The following LRRC7 variants were observed in gnomAD, a reference collection of about 807,000 sequenced individuals.
LRRC7 encodes leucine-rich repeat-containing protein 7.
A neutral mutation model predicts 175.7 loss-of-function variants in LRRC7; 23 were observed. The ratio of observed to expected loss-of-function variants is 0.13; its 90% CI spans 0.09 to 0.19. The LOEUF (loss-of-function observed/expected upper bound fraction) is 0.19, where lower values mean the gene tolerates loss of function less well. Among genes scored for constraint, LRRC7 ranks in the 10% least tolerant of loss-of-function variants. The pLI is 1.00. For missense variants in LRRC7, 1,354 were observed against 1,904.7 expected (o/e 0.71, Z 5.38); for synonymous variants, 685 against 680.9 (o/e 1.01, Z -0.09).
intron 1 of LRRC7, among the ~76,000 whole-genome samples, chr1:69,666,857 T>C (rs1345140504): frequency 2.6e-5 from 4 of 152,092 alleles, no homozygotes; most frequent in Non-Finnish European, 5.9e-5. Flanking sequence ...AATTTTGAGT[T>C]TGGTTTGCTC....
At chr1:69,872,963 G>T (rs1685697452) in intron 7 of LRRC7, among the ~76,000 whole-genome samples, 1 of 152,100 alleles carries the variant, frequency 6.6e-6, no homozygotes, top group Admixed American at 6.6e-5. Flanking sequence ...AAATTTCATA[G>T]AAGGGAAATT....
At chr1:69,993,119 T>C (rs1026420010) in intron 10 of LRRC7, among the ~76,000 whole-genome samples, 8 of 152,202 alleles carry the variant, frequency 5.3e-5, no homozygotes, top group Non-Finnish European at 1.2e-4. Context: ...CCAAGGCTGA[T>C]ACTGTAACAT....
At chr1:69,781,850 A>AAGGAAGGAAGGAAGGAAGG (rs1557720655) in intron 3 of LRRC7, among the ~76,000 whole-genome samples, 1 of 104,266 alleles carries the variant, frequency 9.6e-6, no homozygotes, top group Non-Finnish European at 1.9e-5. Flanking sequence ...AGGAAGGGAG[A>AAGGAAGGAAGGAAGGAAGG]GAAAGAAAGA....
At position 70,135,372 on chromosome 1, in the gene LRRC7, T is replaced by A. The variant is rs536046782; in HGVS notation, c.*13485T>A. On this transcript the variant is annotated 3_prime_UTR_variant, in exon 27 of 27. Transcript: ENST00000651989. ...CATACTGTAGAACAAACATCATTTT[T>A]TTAGTTCTGTCATGAGGTAAAGATG... Among the ~76,000 whole-genome samples the A allele has an allele frequency of 2.0e-5, 3 of 152,282 alleles. No homozygotes were observed. The East Asian group carries it at 5.8e-4, about 29-fold the overall frequency.
intron 7 of LRRC7, among the ~76,000 whole-genome samples, chr1:69,882,262 G>T (rs1686694933): frequency 6.6e-6 from 1 of 152,084 alleles, no homozygotes; most frequent in Non-Finnish European, 1.5e-5. Context: ...AAGGTAAACT[G>T]CTGAGAATGT....
intron 7 of LRRC7, among the ~76,000 whole-genome samples, chr1:69,923,648 T>C (rs1646963182): frequency 6.6e-6 from 1 of 152,184 alleles, no homozygotes; most frequent in Non-Finnish European, 1.5e-5. Context: ...TTGATGGTGT[T>C]ATTTGTTTTT....
chr1:69,736,533 G>A (rs1668133263), intron 2 of LRRC7, among the ~76,000 whole-genome samples: 2 of 152,096 alleles, frequency 1.3e-5, no homozygotes, highest in Non-Finnish European at 2.9e-5. Context: ...AATAAGTTAG[G>A]TAATGACTGT....
rs1343426681 is a variant in LRRC7, at chr1:69,819,575, C to CTGTGTG, written c.422-6172_422-6171insGTGTGT. On this transcript the variant is annotated intron_variant, in intron 4 of 26. Transcript: ENST00000651989. ...GAATGCTCTCTCTCTCTCTCTCTCT[C>CTGTGTG]TCTGTGTGTGTGTGTGTGTGTGTGT... Among the ~76,000 whole-genome samples the CTGTGTG allele has an allele frequency of 6.6e-3, 885 of 133,194 alleles. 8 individuals carry two copies. Among genetic ancestry groups the CTGTGTG allele is most frequent in the African/African-American group, 0.025 (794 of 31,978 alleles). 87.4% of individuals were successfully genotyped at this position (133,194 alleles called of 152,430 possible).
At chr1:69,731,215 T>C (rs536339862) in intron 2 of LRRC7, among the ~76,000 whole-genome samples, 10 of 152,072 alleles carry the variant, frequency 6.6e-5, no homozygotes, top group Non-Finnish European at 1.5e-4. Context: ...GGCTAGAGAA[T>C]GGTGTGAACC....
At chr1:69,622,532 C>T (rs190587879) in intron 1 of LRRC7, among the ~76,000 whole-genome samples, 129 of 152,292 alleles carry the variant, frequency 8.5e-4, no homozygotes, top group African/African-American at 2.9e-3. Context: ...ACATCATAGA[C>T]TTTATATATT....
At chr1:69,957,368 G>GCA (rs1334218194) in intron 8 of LRRC7, among the ~76,000 whole-genome samples, 19 of 151,876 alleles carry the variant, frequency 1.3e-4, no homozygotes, top group Non-Finnish European at 2.8e-4. Context: ...ACAAACGTAA[G>GCA]GTACTGACAT....
At chr1:70,107,270 C>A (rs975955978) in intron 25 of LRRC7, among the ~76,000 whole-genome samples, 1 of 152,082 alleles carries the variant, frequency 6.6e-6, no homozygotes, top group Non-Finnish European at 1.5e-5. Flanking sequence ...ACATATGAAA[C>A]AATATGCATT....
At chr1:69,968,055 G>T (rs1557940203) in intron 8 of LRRC7, among the ~76,000 whole-genome samples, 1 of 152,040 alleles carries the variant, frequency 6.6e-6, no homozygotes, top group Non-Finnish European at 1.5e-5. Flanking sequence ...TCAAAAAAAT[G>T]ATACAAGAAG....
rs1307965731 is a variant in LRRC7, at chr1:70,131,428, T to C, written c.*9541T>C. Among the ~76,000 whole-genome samples, 2 of 152,226 alleles carry C rather than the reference T, an allele frequency of 1.3e-5. No homozygotes were observed. Among genetic ancestry groups the C allele is most frequent in the Non-Finnish European group, 2.9e-5 (2 of 68,036 alleles). ...GTAAAACATTTCTGTCCTAGCTTTC[T>C]CACAAAACTATTTCCCATGTCTTTC... On this transcript the variant is annotated 3_prime_UTR_variant, in exon 27 of 27. Transcript: ENST00000651989.
intron 5 of LRRC7, among the ~76,000 whole-genome samples, chr1:69,833,687 G>A (rs1425152167): frequency 6.6e-6 from 1 of 151,988 alleles, no homozygotes; most frequent in Non-Finnish European, 1.5e-5. Flanking sequence ...AAGAAGGAGA[G>A]AACAAGCAGT....
At chr1:69,837,828 A>T (rs1242481604) in intron 6 of LRRC7, among the ~76,000 whole-genome samples, 1 of 149,998 alleles carries the variant, frequency 6.7e-6, no homozygotes, top group East Asian at 2.0e-4. Context: ...CATAATCAAT[A>T]TATATATTTC....
intron 11 of LRRC7, among the ~76,000 whole-genome samples, chr1:70,000,095 T>C (rs1655386558): frequency 6.6e-6 from 1 of 152,176 alleles, no homozygotes; most frequent in Admixed American, 6.6e-5. Flanking sequence ...GCTATAGGGC[T>C]TTCCTACTAA....
intron 1 of LRRC7, among the ~76,000 whole-genome samples, chr1:69,640,438 G>A (rs1416780202): frequency 6.6e-6 from 1 of 151,540 alleles, no homozygotes; most frequent in Non-Finnish European, 1.5e-5. Context: ...TTCCTGATTA[G>A]TAAGAATAAT....
chr1:70,039,374 C>T lies in LRRC7; in HGVS notation c.3550C>T (p.Pro1184Ser), dbSNP rs139513686. 4.5e-4 allele frequency: 728 copies of T among 1,613,906 alleles called. No individual in the cohort carries two copies. Among genetic ancestry groups the T allele is most frequent in the Non-Finnish European group, 5.5e-4 (649 of 1,180,006 alleles). Residue 1184 changes from proline to serine, a missense_variant, in exon 21 of 27, where the codon CCC (proline) becomes TCC (serine). Around this residue, in one of 4 missense-constraint regions of LRRC7, gnomAD observed 1,032 missense variants for 1,227.2 expected, o/e 0.84. Transcript: ENST00000651989. ...GCCCCCAACTGATAGGTACGGCAGA[C>T]CCCCATATAGGGGAGGGCTGGATCG... ...ELPPTDRYGR[P>S]PYRGGLDRQS...
Sources: gnomAD v4.1 joint callset for allele counts (sites outside exome capture counted in the v4.1 genomes callset) on GRCh38, gnomAD v4.1.1 for gene constraint, gnomAD v4.1.1 regional missense constraint, MANE v1.5 for transcripts, NCBI Gene and HGNC (gene_info 2026-07-23, HGNC 2026-07-21) for gene names.